RBFOX1: variants seen among roughly 807,000 people sequenced by gnomAD.
RBFOX1 encodes the protein RNA binding protein fox-1 homolog 1.
Under a neutral mutation model 57.7 loss-of-function variants are expected in RBFOX1, and 8 were observed. That is an observed-to-expected ratio of 0.14 (90% CI 0.08 to 0.25). The LOEUF is 0.25. Ranked by LOEUF, RBFOX1 falls within the 10% of genes least tolerant of loss-of-function variation. The pLI is 1.00. For missense variants in RBFOX1, 611 were observed against 548.5 expected (o/e 1.11, Z -1.14); for synonymous variants, 326 against 222.4 (o/e 1.47, Z -4.15).
chr16:6,633,186 C>G (rs1273262079), intron 2 of RBFOX1, among the ~76,000 whole-genome samples: 1 of 152,142 alleles, frequency 6.6e-6, no homozygotes, highest in Non-Finnish European at 1.5e-5. Flanking sequence ...GGTCAGATGT[C>G]CAGAACTACT....
chr16:6,049,922 G>T (rs1169681248), intron 1 of RBFOX1, among the ~76,000 whole-genome samples: 1 of 151,104 alleles, frequency 6.6e-6, no homozygotes, highest in Non-Finnish European at 1.5e-5. Flanking sequence ...ATCTTTAAAA[G>T]GCCATTTTAC....
chr16:7,581,039 C>T (rs1253175645), intron 6 of RBFOX1, among the ~76,000 whole-genome samples: 2 of 152,112 alleles, frequency 1.3e-5, no homozygotes, highest in Non-Finnish European at 2.9e-5. Context: ...CTCTTGTTCA[C>T]TACTCAAAGG....
intron 3 of RBFOX1, among the ~76,000 whole-genome samples, chr16:6,968,574 G>C (rs1347867662): frequency 6.6e-6 from 1 of 152,080 alleles, no homozygotes; most frequent in Non-Finnish European, 1.5e-5. Flanking sequence ...GTCTCAGAAT[G>C]ATGTGAAGGT....
chr16:6,476,258 G>A (rs1343906651), intron 2 of RBFOX1, among the ~76,000 whole-genome samples: 2 of 151,814 alleles, frequency 1.3e-5, no homozygotes, highest in African/African-American at 2.4e-5. Flanking sequence ...TTCTTCCAGG[G>A]GTGTGTGTCT....
At chr16:7,077,173 G>T (rs571544479) in intron 4 of RBFOX1, among the ~76,000 whole-genome samples, 1 of 152,128 alleles carries the variant, frequency 6.6e-6, no homozygotes, top group Non-Finnish European at 1.5e-5. Flanking sequence ...CTGAATAAGC[G>T]GTTTCCCAGC....
At chr16:5,924,896 A>T (rs2058909992) in intron 4 of RBFOX1, among the ~76,000 whole-genome samples, 1 of 152,136 alleles carries the variant, frequency 6.6e-6, no homozygotes, top group South Asian at 2.1e-4. Flanking sequence ...GCCTTTGCAG[A>T]CTGGGAGCTC....
At position 6,498,521 on chromosome 16, in the gene RBFOX1, A is replaced by T. The variant is rs1010477627; in HGVS notation, c.-63-156082A>T. 3.9e-5 allele frequency among the ~76,000 whole-genome samples: 6 copies of T among 152,248 alleles called. No homozygotes were observed. In the Middle Eastern group the frequency reaches 0.014, roughly 345 times the overall value. On this transcript the variant is annotated intron_variant, in intron 2 of 15. Transcript: ENST00000550418. ...TGGTTCAGCAATCAGGCCCTTTTAG[A>T]CCCATAGATTTTGCCTGCAGGTGTT...
At chr16:5,908,095 T>TATATATACACACAC (rs1567133450) in intron 4 of RBFOX1, among the ~76,000 whole-genome samples, 4 of 139,888 alleles carry the variant, frequency 2.9e-5, no homozygotes, top group African/African-American at 1.2e-4. Context: ...TACACATATA[T>TATATATACACACAC]ACACATATAT....
At chr16:7,042,096 G>A (rs1193631459) in intron 3 of RBFOX1, among the ~76,000 whole-genome samples, 1 of 152,164 alleles carries the variant, frequency 6.6e-6, no homozygotes, top group African/African-American at 2.4e-5. Context: ...ATCTAATTTG[G>A]TGGAAATTAT....
intron 2 of RBFOX1, among the ~76,000 whole-genome samples, chr16:6,554,984 A>C (rs2097070805): frequency 6.6e-6 from 1 of 152,132 alleles, no homozygotes; most frequent in Non-Finnish European, 1.5e-5. Flanking sequence ...TCTTTTCCCA[A>C]AGGAACCAAT....
At chr16:6,361,235 G>C (rs1412518168) in intron 2 of RBFOX1, among the ~76,000 whole-genome samples, 1 of 152,144 alleles carries the variant, frequency 6.6e-6, no homozygotes, top group African/African-American at 2.4e-5. Flanking sequence ...ACAGAGGAAA[G>C]ATTCTGACAC....
intron 3 of RBFOX1, among the ~76,000 whole-genome samples, chr16:5,824,243 T>C (rs1048327065): frequency 2.6e-5 from 4 of 152,190 alleles, no homozygotes; most frequent in Non-Finnish European, 5.9e-5. Context: ...CAGGTCCCTG[T>C]TATTTCCGAG....
intron 3 of RBFOX1, among the ~76,000 whole-genome samples, chr16:5,752,885 A>T (rs2053261179): frequency 1.3e-5 from 2 of 152,198 alleles, no homozygotes; most frequent in African/African-American, 2.4e-5. Flanking sequence ...ACATTGTACA[A>T]AAAAAGAGTG....
intron 4 of RBFOX1, among the ~76,000 whole-genome samples, chr16:7,267,517 C>G (rs980049654): frequency 2.6e-5 from 4 of 151,882 alleles, no homozygotes; most frequent in Admixed American, 2.6e-4. Context: ...GCCTGGGCAA[C>G]AGAGTGAGAC....
chr16:7,335,474 G>A (rs532108720), intron 4 of RBFOX1, among the ~76,000 whole-genome samples: 3 of 151,504 alleles, frequency 2.0e-5, no homozygotes, highest in Middle Eastern at 3.4e-3. Context: ...ACTTTTCAAG[G>A]TCTTTCCAAC....
At chr16:7,660,320 A>G (rs1407863533) in intron 12 of RBFOX1, among the ~76,000 whole-genome samples, 6 of 152,220 alleles carry the variant, frequency 3.9e-5, no homozygotes, top group East Asian at 3.9e-4. Flanking sequence ...GTACCTTTGC[A>G]TGGCTAGACG....
chr16:7,028,481 G>A (rs934944742), intron 3 of RBFOX1, among the ~76,000 whole-genome samples: 5 of 151,662 alleles, frequency 3.3e-5, no homozygotes, highest in Non-Finnish European at 5.9e-5. Context: ...CAGCTCCTTG[G>A]GAGGCTGAGG....
In RBFOX1 at chr16:7,711,597, A is replaced by T. The variant is rs1568631397; in HGVS notation, c.*852A>T. Reference sequence around the variant, plus strand: ...AAGGTGATAAAAAAGCACTGTTTCTATTTTTTTCTTTTTTTCCAAAAAAAG... The same window carrying T: ...AAGGTGATAAAAAAGCACTGTTTCTTTTTTTTTCTTTTTTTCCAAAAAAAG... On this transcript the variant is annotated 3_prime_UTR_variant, in exon 16 of 16. Transcript: ENST00000550418. 1.3e-5 allele frequency: 2 copies of T among 152,452 alleles called. No individual in the cohort carries two copies. The highest frequency in any genetic ancestry group is 2.4e-5 in the African/African-American group (1 of 41,384). The allele number at this position is 152,452 out of a possible 1,614,324, so 9.4% of individuals were successfully genotyped here.
intron 3 of RBFOX1, among the ~76,000 whole-genome samples, chr16:5,708,237 C>G (rs1409830744): frequency 6.6e-6 from 1 of 152,022 alleles, no homozygotes; most frequent in Non-Finnish European, 1.5e-5. Context: ...TTCTTGTATT[C>G]ATTATAATTT....
Sources: allele counts gnomAD v4.1 joint callset (sites outside exome capture counted in the v4.1 genomes callset), GRCh38; gene constraint gnomAD v4.1.1; transcripts MANE v1.5; gene names NCBI Gene and HGNC (gene_info 2026-07-23, HGNC 2026-07-21).